The following ANK2 variants were observed in gnomAD, a reference collection of about 807,000 sequenced individuals.
ANK2 encodes ankyrin 2.
In ANK2, 83 loss-of-function variants were observed where a neutral mutation model predicts 360.5. That is an observed-to-expected ratio of 0.23 (90% CI 0.19 to 0.28). The LOEUF (loss-of-function observed/expected upper bound fraction) is 0.28, where lower values mean the gene tolerates loss of function less well. Among genes scored for constraint, ANK2 ranks in the 10% least tolerant of loss-of-function variants. The probability of loss-of-function intolerance (pLI) is 1.00; values close to 1 mark genes in which losing one functional copy is unlikely to be tolerated. For missense variants in ANK2, 4,201 were observed against 4,795.7 expected, an observed-to-expected ratio of 0.88 and a Z score of 3.66; for synonymous variants, 1,740 against 1,759.5, an observed-to-expected ratio of 0.99 and a Z score of 0.28.
At chr4:112,861,839 C>CAGACAGAGAGAGAGAG (rs1553951298) in intron 1 of ANK2, among the ~76,000 whole-genome samples, 1 of 140,406 alleles carries the variant, frequency 7.1e-6, no homozygotes, top group Non-Finnish European at 1.5e-5. Context: ...TACATAGAGA[C>CAGACAGAGAGAGAGAG]AGAGAGAGAG....
chr4:113,010,762 A>G (rs976721264), intron 2 of ANK2, among the ~76,000 whole-genome samples: 2 of 152,104 alleles, frequency 1.3e-5, no homozygotes, highest in Non-Finnish European at 2.9e-5. Context: ...AGGTGTACAC[A>G]GTTTTTAACC....
intron 7 of ANK2, among the ~76,000 whole-genome samples, chr4:113,240,047 C>G (rs1427926747): frequency 6.6e-6 from 1 of 151,998 alleles, no homozygotes; most frequent in Non-Finnish European, 1.5e-5. Context: ...ACAAATACTG[C>G]TTTTTTAAAA....
At chr4:113,342,026 C>T (rs2094357344) in intron 33 of ANK2, 110 bp downstream of exon 33, 12 of 1,186,818 alleles carry the variant, frequency 1.0e-5, no homozygotes, top group Non-Finnish European at 1.3e-5. Flanking sequence ...AAGTGAAAGA[C>T]AAGTTCGCAT....
In ANK2 at chr4:113,255,755, C is replaced by T; in HGVS notation, c.1011C>T (p.His337=). The T allele has an allele frequency of 6.2e-7, 1 of 1,614,114 alleles. No homozygotes were observed. Among genetic ancestry groups the T allele is most frequent in the Non-Finnish European group, 8.5e-7 (1 of 1,180,028 alleles). ...ARTKNGLSPL[H]MAAQGDHVEC... Reference sequence around the variant, plus strand: ...TGCAGAATGGGCTGTCTCCACTACACATGGCTGCCCAGGGAGACCACGTGG... The same window carrying T: ...TGCAGAATGGGCTGTCTCCACTACATATGGCTGCCCAGGGAGACCACGTGG... The change falls in exon 11 of 46, where the codon CAC becomes CAT. Residue 337 remains histidine (H), a synonymous_variant. Transcript: ENST00000357077.
intron 2 of ANK2, among the ~76,000 whole-genome samples, chr4:112,967,086 T>G (rs1032565801): frequency 6.6e-6 from 1 of 152,180 alleles, no homozygotes; most frequent in African/African-American, 2.4e-5. Flanking sequence ...GTTGATCCCT[T>G]GATGAAATAA....
intron 1 of ANK2, chr4:112,881,845 A>G: frequency 2.2e-6 from 2 of 915,652 alleles, no homozygotes; most frequent in Non-Finnish European, 3.5e-6. Context: ...TTCACAGTTA[A>G]GTGGGCACCG....
chr4:112,788,975 T>C, the ANK2 span: 1 of 554,806 alleles, frequency 1.8e-6, no homozygotes, highest in Non-Finnish European at 3.2e-6. Context: ...GGAACCATAT[T>C]TTATGTATTT....
chr4:113,069,752 A>T (rs1309394381), intron 1 of ANK2, among the ~76,000 whole-genome samples: 1 of 152,150 alleles, frequency 6.6e-6, no homozygotes. Flanking sequence ...ATATCTATTA[A>T]GTCACCACTT....
intron 2 of ANK2, among the ~76,000 whole-genome samples, chr4:113,002,432 AATC>A (rs1168016010): frequency 2.0e-5 from 3 of 152,194 alleles, no homozygotes; most frequent in African/African-American, 2.4e-5. Flanking sequence ...TGAAATTGGA[AATC>A]ATCATTCTCA....
At chr4:113,008,327 A>G (rs958620483) in intron 2 of ANK2, among the ~76,000 whole-genome samples, 1 of 152,140 alleles carries the variant, frequency 6.6e-6, no homozygotes, top group Non-Finnish European at 1.5e-5. Context: ...TCACATGATT[A>G]CCATCTGTTT....
chr4:113,325,068 T>C lies in ANK2; in HGVS notation c.2901-5178T>C, dbSNP rs536858870. On this transcript the variant is annotated intron_variant, in intron 26 of 45. Coordinates refer to ENST00000357077, the MANE Select transcript of ANK2 (RefSeq NM_001148.6). ...TTCTTTTTAAATTGTGATAACATTGTATCTCACAATTTAGAAAACTTCAAC... is the reference window on the plus strand; with the variant it reads ...TTCTTTTTAAATTGTGATAACATTGCATCTCACAATTTAGAAAACTTCAAC... Among the ~76,000 whole-genome samples the C allele has an allele frequency of 2.0e-5, 3 of 152,322 alleles. No homozygotes were observed. The South Asian group carries it at 6.2e-4, about 32-fold the overall frequency.
chr4:112,902,364 A>G (rs1038750752), intron 1 of ANK2, among the ~76,000 whole-genome samples: 3 of 152,224 alleles, frequency 2.0e-5, no homozygotes, highest in Non-Finnish European at 2.9e-5. Context: ...TGATTTTCCT[A>G]TGTTCCACAT....
the ANK2 span, among the ~76,000 whole-genome samples, chr4:112,725,618 C>G: frequency 6.6e-6 from 1 of 151,994 alleles, no homozygotes; most frequent in Admixed American, 6.6e-5. Context: ...CCTCAGCCTC[C>G]CAAAGTGCTG....
intron 1 of ANK2, among the ~76,000 whole-genome samples, chr4:113,135,650 T>G (rs2096364359): frequency 1.3e-5 from 2 of 152,152 alleles, no homozygotes; most frequent in African/African-American, 4.8e-5. Context: ...ATAGTGACAC[T>G]GATGGATATC....
chr4:113,337,202 CT>C (rs1219689855), intron 31 of ANK2, among the ~76,000 whole-genome samples: 1 of 152,178 alleles, frequency 6.6e-6, no homozygotes, highest in Admixed American at 6.5e-5. Flanking sequence ...AAAAAAAATA[CT>C]GTCTTGAGTA....
chr4:113,062,104 C>A lies in ANK2; in HGVS notation c.84+12292C>A, dbSNP rs1277891549. 2.0e-5 allele frequency among the ~76,000 whole-genome samples: 3 copies of A among 152,014 alleles called. No homozygotes were observed. The South Asian group carries it at 6.2e-4, about 32-fold the overall frequency. On this transcript the variant is annotated intron_variant, in intron 1 of 45. Coordinates refer to ENST00000357077, the MANE Select transcript of ANK2 (RefSeq NM_001148.6). The stretch of plus-strand genomic sequence containing the variant: ...TTCATTCTAAAAACCTAAGGCCATG[C>A]CCTGTACAGGGTTTGGATTCTTGTC...
Position 113,082,872 on chromosome 4 carries a change from T to C in ANK2, c.84+33060T>C, listed in dbSNP as rs544285103. Among the ~76,000 whole-genome samples, 8 of 152,290 alleles carry C rather than the reference T, an allele frequency of 5.3e-5. No individual in the cohort carries two copies. The East Asian group carries it at 1.5e-3, about 29-fold the overall frequency. ...TTTCCTGAAAGGAAATATGTAAATT[T>C]TGCTATAAAATCGAGCCATCTTTGT... On this transcript the variant is annotated intron_variant, in intron 1 of 45. Transcript: ENST00000357077.
chr4:112,944,391 C>G (rs1199090714), intron 2 of ANK2, among the ~76,000 whole-genome samples: 1 of 152,142 alleles, frequency 6.6e-6, no homozygotes, highest in Admixed American at 6.5e-5. Context: ...GTAAATTAAA[C>G]TATCCATTAA....
In ANK2 at chr4:113,373,160, C is replaced by T. The variant is rs1318639708; in HGVS notation, c.11681C>T (p.Thr3894Ile). The T allele has an allele frequency of 1.9e-6, 3 of 1,613,948 alleles. No homozygotes were observed. The highest frequency in any genetic ancestry group is 8.5e-7 in the Non-Finnish European group (1 of 1,179,866). The stretch of plus-strand genomic sequence containing the variant: ...GAATACATTGATGAGCATGGACACA[C>T]CGTGGTAAAGAAGGTATTGTCTAGT... ...EEEYIDEHGHTVVKKVTRKII... is the reference protein window; with the variant it reads ...EEEYIDEHGHIVVKKVTRKII... The change falls in exon 44 of 46, where the codon ACC (threonine) becomes ATC (isoleucine). Residue 3894 changes from threonine (T) to isoleucine (I), a missense_variant. Physicochemically the swap from Thr to Ile is moderately conservative, Grantham distance 89. This residue lies in a region of ANK2 where 2,642 missense variants were observed against 2,714.5 expected (regional missense o/e 0.97). Transcript: ENST00000357077.
Sources: gnomAD v4.1 joint callset for allele counts (sites outside exome capture counted in the v4.1 genomes callset) on GRCh38, gnomAD v4.1.1 for gene constraint, gnomAD v4.1.1 regional missense constraint, MANE v1.5 for transcripts, NCBI Gene and HGNC (gene_info 2026-07-23, HGNC 2026-07-21) for gene names.